The following ST8SIA1 variants were observed in gnomAD, a reference collection of about 807,000 sequenced individuals.
The protein encoded by ST8SIA1 is ST8 alpha-N-acetyl-neuraminide alpha-2,8-sialyltransferase 1.
In ST8SIA1, 16 loss-of-function variants were observed where a neutral mutation model predicts 35.9. The observed-to-expected ratio is 0.45, with a 90% confidence interval of 0.30 to 0.68. ST8SIA1 has a LOEUF of 0.68. Among genes scored for constraint, ST8SIA1 ranks in the 30% least tolerant of loss-of-function variants. The pLI is 0.09. For missense variants in ST8SIA1, 383 were observed against 453.6 expected (o/e 0.84, Z 1.41); for synonymous variants, 170 against 169.6 (o/e 1.00, Z -0.02).
intron 4 of ST8SIA1, among the ~76,000 whole-genome samples, chr12:22,209,308 A>T (rs1177179326): frequency 6.6e-6 from 1 of 152,206 alleles, no homozygotes; most frequent in Non-Finnish European, 1.5e-5. Context: ...AATAACAAAC[A>T]TGCAAATATC....
rs1034998386 is a variant in ST8SIA1 at position 22,199,523 on chromosome 12, G to A, written c.*2029C>T. Reference sequence around the variant, plus strand: ...GAATATTTAACACAATTTCTTCATGGTACATTCTCATTATGTTTTTGCTGC... The same window carrying A: ...GAATATTTAACACAATTTCTTCATGATACATTCTCATTATGTTTTTGCTGC... On this transcript the variant is annotated 3_prime_UTR_variant, in exon 5 of 5. Transcript: ENST00000396037. The A allele has an allele frequency of 6.6e-6, 1 of 151,994 alleles. No individual in the cohort carries two copies. The highest frequency in any genetic ancestry group is 2.4e-5 in the African/African-American group (1 of 41,392). 9.4% of individuals were successfully genotyped at this position (151,994 alleles called of 1,614,324 possible).
At chr12:22,253,881 G>A (rs1210018628) in intron 3 of ST8SIA1, among the ~76,000 whole-genome samples, 6 of 152,122 alleles carry the variant, frequency 3.9e-5, no homozygotes, top group Non-Finnish European at 5.9e-5. Context: ...CTCTGAGAGG[G>A]AACTTAGCCC....
chr12:22,249,922 G>T (rs772291196), intron 3 of ST8SIA1, among the ~76,000 whole-genome samples: 3 of 152,190 alleles, frequency 2.0e-5, no homozygotes, highest in Non-Finnish European at 4.4e-5. Flanking sequence ...TCAGGGCCAT[G>T]TACTATTCAC....
At chr12:22,256,171 G>A (rs1353296585) in intron 2 of ST8SIA1, among the ~76,000 whole-genome samples, 2 of 152,202 alleles carry the variant, frequency 1.3e-5, no homozygotes, top group African/African-American at 4.8e-5. Context: ...ATGAGCAAAT[G>A]AACACTCTGG....
chr12:22,284,806 T>C (rs539328169), intron 2 of ST8SIA1, among the ~76,000 whole-genome samples: 3 of 152,246 alleles, frequency 2.0e-5, no homozygotes, highest in African/African-American at 7.2e-5. Flanking sequence ...ATGTTTCTTA[T>C]AACCCTATTG....
chr12:22,284,334 T>C lies in ST8SIA1; in HGVS notation c.381+2815A>G, dbSNP rs963522899. ...ACTCTGGGAAAGGAGTGAAGCTTTG[T>C]TCATGCTGAAAACGCTGAGCCTGGC... On this transcript the variant is annotated intron_variant, in intron 2 of 4. Transcript: ENST00000396037. 2.6e-5 allele frequency among the ~76,000 whole-genome samples: 4 copies of C among 152,214 alleles called. No individual in the cohort carries two copies. In the East Asian group the frequency reaches 5.8e-4, roughly 22 times the overall value.
intron 4 of ST8SIA1, among the ~76,000 whole-genome samples, chr12:22,202,378 G>A (rs183121918): frequency 5.3e-5 from 8 of 152,266 alleles, no homozygotes; most frequent in Admixed American, 4.6e-4. Context: ...GTTGTTGGCT[G>A]GGATTTTGAT....
At chr12:22,275,990 C>A (rs1359225139) in intron 2 of ST8SIA1, among the ~76,000 whole-genome samples, 6 of 152,210 alleles carry the variant, frequency 3.9e-5, no homozygotes, top group Admixed American at 1.3e-4. Context: ...GGGCCTGCAG[C>A]CTTCCTATTC....
chr12:22,219,384 A>G (rs904100515), intron 4 of ST8SIA1, among the ~76,000 whole-genome samples: 2 of 152,184 alleles, frequency 1.3e-5, no homozygotes, highest in African/African-American at 4.8e-5. Flanking sequence ...AAAATCTGAG[A>G]AGGGTGTGAA....
At chr12:22,290,278 T>C (rs1866158252) in intron 1 of ST8SIA1, among the ~76,000 whole-genome samples, 1 of 152,150 alleles carries the variant, frequency 6.6e-6, no homozygotes, top group Admixed American at 6.5e-5. Flanking sequence ...AATGTGGAAA[T>C]GTGTATGCAT....
At chr12:22,227,595 A>G (rs1167132214) in intron 4 of ST8SIA1, among the ~76,000 whole-genome samples, 1 of 152,080 alleles carries the variant, frequency 6.6e-6, no homozygotes, top group Non-Finnish European at 1.5e-5. Context: ...AAACAAAAAC[A>G]CACAAAAAAA....
intron 2 of ST8SIA1, among the ~76,000 whole-genome samples, chr12:22,261,861 T>C (rs113376403): frequency 0.014 from 2,184 of 152,248 alleles, 54 homozygotes; most frequent in African/African-American, 0.05. Context: ...CAACTTTTCA[T>C]TGAGCACCTA....
At chr12:22,305,467 A>G (rs896408446) in intron 1 of ST8SIA1, among the ~76,000 whole-genome samples, 1 of 144,056 alleles carries the variant, frequency 6.9e-6, no homozygotes, top group African/African-American at 2.6e-5. Context: ...TGTAACCTCC[A>G]CTTCCCGGCT....
Position 22,195,279 on chromosome 12 carries a change from G to C in ST8SIA1, c.*6273C>G, listed in dbSNP as rs369364659. The C allele has an allele frequency of 2.0e-5, 3 of 151,728 alleles. No individual in the cohort carries two copies. Among genetic ancestry groups the C allele is most frequent in the Non-Finnish European group, 4.4e-5 (3 of 68,018 alleles). The allele number at this position is 151,728 out of a possible 1,614,324, so 9.4% of individuals were successfully genotyped here. A position where few individuals can be genotyped will look rare whatever the true frequency, so the allele number is the denominator to read the frequency against. The stretch of plus-strand genomic sequence containing the variant: ...TCACTGTGATCAAACTCCCAGGAGA[G>C]CACCTCTTGGGAAGGGACAGCAAGG... On this transcript the variant is annotated 3_prime_UTR_variant, in exon 5 of 5. Transcript: ENST00000396037.
intron 1 of ST8SIA1, among the ~76,000 whole-genome samples, chr12:22,293,083 T>G (rs762899901): frequency 6.6e-6 from 1 of 152,242 alleles, no homozygotes; most frequent in Non-Finnish European, 1.5e-5. Context: ...AACAAACACT[T>G]GTCAAAATAA....
intron 1 of ST8SIA1, among the ~76,000 whole-genome samples, chr12:22,299,624 T>G (rs1242800286): frequency 6.6e-6 from 1 of 152,176 alleles, no homozygotes; most frequent in Admixed American, 6.6e-5. Context: ...TAATGGTCTT[T>G]CTAGAGATTG....
chr12:22,324,903 CA>C (rs1866655279), intron 1 of ST8SIA1: 1 of 151,630 alleles, frequency 6.6e-6, no homozygotes, highest in African/African-American at 2.4e-5. Flanking sequence ...GCTATTTTTT[CA>C]CAAGTTTATA....
At chr12:22,320,595 A>C (rs2135839946) in intron 1 of ST8SIA1, among the ~76,000 whole-genome samples, 1 of 152,300 alleles carries the variant, frequency 6.6e-6, no homozygotes, top group African/African-American at 2.4e-5. Context: ...CTGTAATCCC[A>C]GCACTTTGTG....
At chr12:22,222,200 A>G (rs1158210239) in intron 4 of ST8SIA1, among the ~76,000 whole-genome samples, 2 of 152,210 alleles carry the variant, frequency 1.3e-5, no homozygotes, top group Non-Finnish European at 2.9e-5. Context: ...ACACCTTTTA[A>G]CATCACACTG....
Sources: allele counts gnomAD v4.1 joint callset (sites outside exome capture counted in the v4.1 genomes callset), GRCh38; gene constraint gnomAD v4.1.1; transcripts MANE v1.5; gene names NCBI Gene and HGNC (gene_info 2026-07-23, HGNC 2026-07-21).